The following ABCA6 variants were observed in gnomAD, a reference collection of about 807,000 sequenced individuals.
The protein encoded by ABCA6 is ATP binding cassette subfamily A member 6, also known as ATP-binding cassette sub-family A member 6.
A neutral mutation model predicts 191.2 loss-of-function variants in ABCA6; 164 were observed. The observed-to-expected ratio is 0.86, with a 90% CI of 0.76 to 0.98. The LOEUF (loss-of-function observed/expected upper bound fraction) is 0.98. Among genes scored for constraint, ABCA6 ranks in the 50% least tolerant of loss-of-function variants. ABCA6 has a pLI of 0.00. For missense variants in ABCA6, 1,958 were observed against 1,894.1 expected (o/e 1.03, Z -0.63); for synonymous variants, 636 against 647.7 (o/e 0.98, Z 0.27).
At chr17:69,116,802 C>G (rs955612775) in intron 11 of ABCA6, among the ~76,000 whole-genome samples, 2 of 152,050 alleles carry the variant, frequency 1.3e-5, no homozygotes, top group African/African-American at 4.8e-5. Flanking sequence ...AACTTCTTCC[C>G]TGATTTCCCA....
intron 9 of ABCA6, among the ~76,000 whole-genome samples, chr17:69,124,354 T>A (rs1423846596): frequency 6.6e-6 from 1 of 151,966 alleles, no homozygotes; most frequent in Non-Finnish European, 1.5e-5. Context: ...GATTCTAGAA[T>A]GTGTGAAAAA....
At chr17:69,099,167 T>C (rs1297113318) in intron 22 of ABCA6, among the ~76,000 whole-genome samples, 1 of 152,016 alleles carries the variant, frequency 6.6e-6, no homozygotes, top group Non-Finnish European at 1.5e-5. Context: ...CAAATCAGCA[T>C]CCACTTGAGG....
intron 10 of ABCA6, among the ~76,000 whole-genome samples, chr17:69,121,110 A>T (rs943912839): frequency 3.3e-5 from 5 of 152,234 alleles, no homozygotes; most frequent in Middle Eastern, 3.4e-3. Context: ...AAAAAAATCA[A>T]TGGCTTAGTG....
chr17:69,135,747 GC>G, intron 4 of ABCA6: 1 of 391,320 alleles, frequency 2.6e-6, no homozygotes, highest in South Asian at 9.8e-5. Flanking sequence ...TGGTCTAAGT[GC>G]CCATGAAACA....
intron 30 of ABCA6, 89 bp downstream of exon 30, chr17:69,086,529 C>A: frequency 5.9e-6 from 3 of 508,120 alleles, no homozygotes; most frequent in Non-Finnish European, 6.6e-6. Flanking sequence ...TGAATGAATG[C>A]TTCAGCGAGT....
At position 69,085,064 on chromosome 17, in the gene ABCA6, C is replaced by G; in HGVS notation, c.4148G>C (p.Gly1383Ala). The G allele has an allele frequency of 1.2e-6, 2 of 1,613,300 alleles. No individual in the cohort carries two copies. The highest frequency in any genetic ancestry group is 4.5e-5 in the East Asian group (2 of 44,814). The change falls in exon 32 of 39, where the codon GGG (glycine) becomes GCG (alanine). Residue 1383 changes from glycine to alanine, a missense_variant. Coordinates refer to ENST00000284425, the MANE Select transcript of ABCA6 (RefSeq NM_080284.3). ...EHLEVYAAVK[G>A]LRKADARLAI... ...GAGCCTCGCGTCCGCTTTCCTGAGCCCCTTGACGGCAGCATACACCTCCAG... is the reference window on the plus strand; with the variant it reads ...GAGCCTCGCGTCCGCTTTCCTGAGCGCCTTGACGGCAGCATACACCTCCAG...
At chr17:69,103,042 T>C (rs2073216772) in intron 20 of ABCA6, 74 bp from the exon 21 acceptor site, 4 of 884,674 alleles carry the variant, frequency 4.5e-6, no homozygotes, top group African/African-American at 1.7e-5. Flanking sequence ...ATAAGTCATA[T>C]ACATAATTAA....
rs754378393 is a variant in ABCA6 at position 69,128,723 on chromosome 17, A to G, written c.1015T>C (p.Trp339Arg). 1 of 1,613,108 alleles carries G rather than the reference A, an allele frequency of 6.2e-7. No individual in the cohort carries two copies. The highest frequency in any genetic ancestry group is 1.7e-5 in the Admixed American group (1 of 59,928). Residue 339 changes from tryptophan to arginine, a missense_variant, in exon 8 of 39, where the codon TGG (tryptophan) becomes CGG (arginine). Physicochemically the swap from Trp to Arg is moderately radical, Grantham distance 101 (BLOSUM62 -3). Coordinates refer to ENST00000284425, the MANE Select transcript of ABCA6 (RefSeq NM_080284.3). ...NLVVFLLTLF[W>R]GCLGFTVFYE... ...AATACAGTGAATCCCAGACATCCCC[A>G]AAAGAGGGTAAGGAGAAACACAACC...
intron 16 of ABCA6, chr17:69,111,941 G>C: frequency 2.4e-6 from 1 of 409,466 alleles, no homozygotes; most frequent in Non-Finnish European, 4.4e-6. Flanking sequence ...ACCTAGAAAA[G>C]TGGCACATGA....
At chr17:69,104,492 C>G (rs1338927511) in intron 20 of ABCA6, 1 of 151,438 alleles carries the variant, frequency 6.6e-6, no homozygotes, top group Non-Finnish European at 1.5e-5. Context: ...GAGCATACAC[C>G]GCAGGCCTGA....
chr17:69,139,844 A>G (rs1375963693), intron 2 of ABCA6, among the ~76,000 whole-genome samples: 1 of 151,540 alleles, frequency 6.6e-6, no homozygotes, highest in Non-Finnish European at 1.5e-5. Context: ...AACTATTGCA[A>G]GGACAAAAAA....
At chr17:69,104,728 G>A (rs1487325654) in intron 20 of ABCA6, 1 of 150,914 alleles carries the variant, frequency 6.6e-6, no homozygotes, top group Non-Finnish European at 1.5e-5. Context: ...CCAGCACTTT[G>A]GGAGGCCAAG....
At chr17:69,124,377 C>A (rs576981804) in intron 9 of ABCA6, among the ~76,000 whole-genome samples, 2 of 151,834 alleles carry the variant, frequency 1.3e-5, no homozygotes, top group South Asian at 4.1e-4. Flanking sequence ...TCTGGGCTTA[C>A]GTGACATTTT....
chr17:69,091,068 C>G (rs1832638559), intron 26 of ABCA6, 75 bp downstream of exon 26: 1 of 1,452,960 alleles, frequency 6.9e-7, no homozygotes, highest in African/African-American at 1.4e-5. Context: ...TACTTTCTGT[C>G]TCTCTTGATC....
At chr17:69,089,370 A>T (rs2072876124) in intron 27 of ABCA6, 95 bp downstream of exon 27, 1 of 1,178,550 alleles carries the variant, frequency 8.5e-7, no homozygotes, top group Admixed American at 2.1e-5. Flanking sequence ...ATATAAAAAC[A>T]CTTTCAAAAT....
chr17:69,114,275 G>A (rs2073491705), intron 13 of ABCA6, among the ~76,000 whole-genome samples: 1 of 151,988 alleles, frequency 6.6e-6, no homozygotes, highest in Non-Finnish European at 1.5e-5. Context: ...GGACATGGAT[G>A]AAGCTGGAAA....
In ABCA6 at chr17:69,113,666, T is replaced by C. The variant is rs752213484; in HGVS notation, c.1854A>G (p.Gly618=). 6.2e-7 allele frequency: 1 copy of C among 1,613,060 alleles called. No individual in the cohort carries two copies. Among genetic ancestry groups the C allele is most frequent in the South Asian group, 1.1e-5 (1 of 91,072 alleles). The change falls in exon 14 of 39, where the codon GGA becomes GGG. Residue 618 remains glycine (G), a synonymous_variant. Transcript: ENST00000284425. ...QDNLAKHLSE[G]QKRKLTFGIT... is the part of the protein sequence containing the mutation. Reference sequence around the variant, plus strand: ...TCCCAAAAGTCAGCTTTCTTTTCTGTCCTTCACTTAAATGTTTAGCAAGGT... The same window carrying C: ...TCCCAAAAGTCAGCTTTCTTTTCTGCCCTTCACTTAAATGTTTAGCAAGGT...
chr17:69,113,768 C>A (rs755699768), intron 13 of ABCA6, 31 bp from the exon 14 acceptor site: 3 of 1,589,478 alleles, frequency 1.9e-6, no homozygotes, highest in African/African-American at 2.7e-5. Context: ...CTTTTAAAAT[C>A]CAAAATGAAG....
intron 9 of ABCA6, 85 bp from the exon 10 acceptor site, chr17:69,123,492 C>A: frequency 2.0e-6 from 2 of 981,462 alleles, no homozygotes; most frequent in Non-Finnish European, 2.7e-6. Flanking sequence ...TGCAGAATGC[C>A]TTGAAGTTTT....
Sources: allele counts gnomAD v4.1 joint callset (sites outside exome capture counted in the v4.1 genomes callset), GRCh38; gene constraint gnomAD v4.1.1; transcripts MANE v1.5; gene names NCBI Gene and HGNC (gene_info 2026-07-23, HGNC 2026-07-21).